DLGAP2: variants seen among roughly 807,000 people sequenced by gnomAD.
The protein encoded by DLGAP2 is DLG associated protein 2.
DLGAP2 carries 26 observed loss-of-function variants against 100.3 expected under a neutral mutation model. The ratio of observed to expected loss-of-function variants is 0.26; its 90% CI spans 0.19 to 0.36. The LOEUF is 0.36. Among genes scored for constraint, DLGAP2 ranks in the 10% least tolerant of loss-of-function variants. The pLI, the probability that DLGAP2 is intolerant of heterozygous loss-of-function variation, is 1.00. For missense variants in DLGAP2, 1,858 were observed against 1,453.2 expected (o/e 1.28, Z -4.53); for synonymous variants, 886 against 630.1 (o/e 1.41, Z -6.08).
At chr8:1,585,061 T>A (rs1421625082) in intron 6 of DLGAP2, among the ~76,000 whole-genome samples, 1 of 152,218 alleles carries the variant, frequency 6.6e-6, no homozygotes, top group Non-Finnish European at 1.5e-5. Flanking sequence ...TTTCTATGTT[T>A]CTCATATTTT....
chr8:836,209 G>A (rs80238520), intron 1 of DLGAP2, among the ~76,000 whole-genome samples: 29,481 of 152,198 alleles, frequency 0.19, 3,572 homozygotes, highest in Admixed American at 0.38. Flanking sequence ...GACTCGGCCG[G>A]AAAGCCCCGG....
intron 3 of DLGAP2, among the ~76,000 whole-genome samples, chr8:1,279,963 G>A (rs1054587693): frequency 7.2e-5 from 11 of 152,210 alleles, no homozygotes; most frequent in African/African-American, 2.2e-4. Flanking sequence ...AGGTGCCTAT[G>A]TTGTGTCTAC....
At chr8:1,682,884 TC>T (rs1033213642) in intron 12 of DLGAP2, among the ~76,000 whole-genome samples, 5 of 151,674 alleles carry the variant, frequency 3.3e-5, no homozygotes, top group African/African-American at 1.2e-4. Context: ...CAAATTATAT[TC>T]CCCTAAACAT....
intron 3 of DLGAP2, among the ~76,000 whole-genome samples, chr8:1,459,657 C>G (rs925672425): frequency 2.7e-5 from 4 of 150,764 alleles, no homozygotes; most frequent in Non-Finnish European, 5.9e-5. Flanking sequence ...CCAGCACCCT[C>G]TCTGGCATTT....
chr8:985,817 A>T (rs913724361), intron 2 of DLGAP2, among the ~76,000 whole-genome samples: 1 of 152,176 alleles, frequency 6.6e-6, no homozygotes, highest in African/African-American at 2.4e-5. Flanking sequence ...TGTGTGGTTC[A>T]TTAGCAGCAA....
chr8:1,421,647 A>G (rs1270005838), intron 3 of DLGAP2, among the ~76,000 whole-genome samples: 2 of 152,222 alleles, frequency 1.3e-5, no homozygotes, highest in Non-Finnish European at 2.9e-5. Context: ...ATGATCAAGA[A>G]GCAAGCACAT....
rs190869637 is a variant in DLGAP2, at chr8:1,506,893, G to A, written c.172+5462G>A. On this transcript the variant is annotated intron_variant, in intron 4 of 14. Transcript: ENST00000637795. ...TGGTGCATTTACAAACCTTGAGCTA[G>A]ACACAGAGTGCTGATTGGTGCATTT... is the stretch of plus-strand genomic sequence containing the variant. Among the ~76,000 whole-genome samples, 1,048 of 152,298 alleles carry A rather than the reference G, an allele frequency of 6.9e-3. 5 individuals carry two copies. Among genetic ancestry groups the A allele is most frequent in the Non-Finnish European group, 9.8e-3 (667 of 68,022 alleles).
intron 3 of DLGAP2, among the ~76,000 whole-genome samples, chr8:1,423,965 C>G (rs569515854): frequency 6.6e-6 from 1 of 152,336 alleles, no homozygotes; most frequent in African/African-American, 2.4e-5. Context: ...CTCTTGTGAT[C>G]AACTCACATG....
intron 1 of DLGAP2, among the ~76,000 whole-genome samples, chr8:787,980 G>GCTCTGTGGCTCAGGATT (rs142494773): frequency 0.24 from 36,163 of 152,076 alleles, 5,302 homozygotes; most frequent in African/African-American, 0.41. Context: ...AAGCCAGGAT[G>GCTCTGTGGCTCAGGATT]CTCTGTGGCT....
intron 2 of DLGAP2, among the ~76,000 whole-genome samples, chr8:999,417 T>C (rs927183736): frequency 6.6e-6 from 1 of 152,056 alleles, no homozygotes; most frequent in African/African-American, 2.4e-5. Flanking sequence ...TTTCCTGTGC[T>C]TTGTATTTTG....
intron 3 of DLGAP2, among the ~76,000 whole-genome samples, chr8:1,270,385 A>G (rs1341378440): frequency 6.6e-5 from 10 of 152,224 alleles, no homozygotes; most frequent in Admixed American, 5.9e-4. Flanking sequence ...TTTGATCGTC[A>G]CAGCCTCATT....
At chr8:1,522,114 A>G (rs72507653) in intron 4 of DLGAP2, among the ~76,000 whole-genome samples, 3,880 of 151,764 alleles carry the variant, frequency 0.026, 152 homozygotes, top group East Asian at 0.12. Context: ...CACTTGTTTT[A>G]ATTTGGAATC....
chr8:867,160 C>T (rs979308760), intron 1 of DLGAP2, among the ~76,000 whole-genome samples: 6 of 152,196 alleles, frequency 3.9e-5, no homozygotes, highest in Non-Finnish European at 7.3e-5. Context: ...ACACGGAGTT[C>T]GTAAATTAAT....
chr8:1,685,998 T>C (rs1250752861), intron 12 of DLGAP2, among the ~76,000 whole-genome samples: 2 of 152,164 alleles, frequency 1.3e-5, no homozygotes, highest in East Asian at 1.9e-4. Flanking sequence ...GTAGCCACTA[T>C]GGAAAGCAGT....
At chr8:1,226,855 A>T (rs1798426349) in intron 2 of DLGAP2, among the ~76,000 whole-genome samples, 1 of 152,082 alleles carries the variant, frequency 6.6e-6, no homozygotes, top group African/African-American at 2.4e-5. Context: ...CTATGAAAAG[A>T]GAGAGGAGAT....
At chr8:1,081,874 A>T (rs1327292398) in intron 2 of DLGAP2, among the ~76,000 whole-genome samples, 1 of 152,188 alleles carries the variant, frequency 6.6e-6, no homozygotes, top group Non-Finnish European at 1.5e-5. Flanking sequence ...TCCAGCAGCG[A>T]GTGGATGCCG....
intron 1 of DLGAP2, among the ~76,000 whole-genome samples, chr8:785,494 G>C (rs1005103298): frequency 2.1e-5 from 3 of 140,588 alleles, no homozygotes; most frequent in African/African-American, 8.1e-5. Context: ...TGTGAGACCA[G>C]CTTCCCTCCT....
At chr8:746,506 G>A (rs181232448) in intron 1 of DLGAP2, among the ~76,000 whole-genome samples, 8 of 152,322 alleles carry the variant, frequency 5.3e-5, no homozygotes, top group Admixed American at 3.9e-4. Flanking sequence ...CCAGTGCCAC[G>A]GGCTGGGAGA....
At chr8:1,293,924 C>G (rs1042553273) in intron 3 of DLGAP2, among the ~76,000 whole-genome samples, 1 of 152,218 alleles carries the variant, frequency 6.6e-6, no homozygotes, top group Admixed American at 6.5e-5. Flanking sequence ...GATTGATTTT[C>G]ATGCAAAACA....
Sources: allele counts gnomAD v4.1 joint callset (sites outside exome capture counted in the v4.1 genomes callset), GRCh38; gene constraint gnomAD v4.1.1; transcripts MANE v1.5; gene names NCBI Gene and HGNC (gene_info 2026-07-23, HGNC 2026-07-21).